The following RIC3 variants were observed in gnomAD, a reference collection of about 807,000 sequenced individuals.
RIC3 encodes protein RIC-3.
RIC3 carries 28 observed loss-of-function variants against 27.3 expected under a neutral mutation model. The observed-to-expected ratio is 1.02, with a 90% CI of 0.76 to 1.41. RIC3 has a LOEUF of 1.41. RIC3 is among the 40% of genes most tolerant of loss of function. RIC3 has a pLI of 0.00. For synonymous variants in RIC3, 184 were observed against 160.4 expected (o/e 1.15, Z -1.11); for missense variants, 501 against 444.7 (o/e 1.13, Z -1.14).
chr11:8,096,667 C>T, the RIC3 span: 1 of 1,529,156 alleles, frequency 6.5e-7, no homozygotes, highest in African/African-American at 1.4e-5. Context: ...ATCCCTTCTT[C>T]TTCTCTCCTT....
downstream of RIC3, chr11:8,105,567 G>GTGAT (rs1240445804): frequency 6.6e-6 from 1 of 152,194 alleles, no homozygotes; most frequent in African/African-American, 2.4e-5. Flanking sequence ...TAGTAGCTAT[G>GTGAT]TGATTTTGAG....
At chr11:8,101,562 A>T, downstream of RIC3, 1 of 1,614,240 alleles carries the variant, frequency 6.2e-7, no homozygotes, top group Non-Finnish European at 8.5e-7. Context: ...CGCTGTGTGC[A>T]CTGCAGGCCT....
the RIC3 span, chr11:8,098,678 C>T: frequency 3.7e-6 from 4 of 1,072,540 alleles, no homozygotes; most frequent in Non-Finnish European, 5.6e-6. Context: ...TTGCAGGCTC[C>T]TCATAGGACA....
chr11:8,104,384 T>G (rs1380243212), downstream of RIC3: 2 of 152,360 alleles, frequency 1.3e-5, no homozygotes, highest in Admixed American at 1.3e-4. Context: ...CAAGTCTAGC[T>G]TTCCTTTCCT....
At chr11:8,147,790 C>G (rs566959065) in intron 1 of RIC3, among the ~76,000 whole-genome samples, 3 of 147,388 alleles carry the variant, frequency 2.0e-5, no homozygotes, top group Non-Finnish European at 3.0e-5. Context: ...TGCAGTGGCG[C>G]GATCTCGGCT....
Position 8,116,061 on chromosome 11 carries a change from G to A in RIC3, c.671-4924C>T, listed in dbSNP as rs114961433. Reference sequence around the variant, plus strand: ...CATAAAAACAGACACACAGACTGATGGAACAGAATAAAAGCCCAGAAATAA... The same window carrying A: ...CATAAAAACAGACACACAGACTGATAGAACAGAATAAAAGCCCAGAAATAA... On this transcript the variant is annotated intron_variant, in intron 5 of 5. Transcript: ENST00000309737. Among the ~76,000 whole-genome samples the A allele has an allele frequency of 3.2e-3, 488 of 152,174 alleles. 3 individuals carry two copies. The highest frequency in any genetic ancestry group is 0.011 in the African/African-American group (454 of 41,524).
chr11:8,117,809 TATTA>T (rs1946017917), intron 5 of RIC3, among the ~76,000 whole-genome samples: 1 of 152,094 alleles, frequency 6.6e-6, no homozygotes. Flanking sequence ...TAATTTTATG[TATTA>T]ATTAAAATAA....
intron 1 of RIC3, among the ~76,000 whole-genome samples, chr11:8,162,014 C>T (rs1399066235): frequency 3.6e-5 from 5 of 137,002 alleles, no homozygotes; most frequent in African/African-American, 5.6e-5. Flanking sequence ...AGGTAATGTC[C>T]GAAACTGTTG....
At chr11:8,103,590 C>T (rs1339066097), downstream of RIC3, 4 of 152,650 alleles carry the variant, frequency 2.6e-5, no homozygotes, top group East Asian at 3.9e-4. Flanking sequence ...CCCCCTCCAA[C>T]GATTAGCTTT....
Position 8,107,831 on chromosome 11 carries a change from A to G in RIC3, c.*2867T>C, listed in dbSNP as rs1264097381. 1 of 152,120 alleles carries G rather than the reference A, an allele frequency of 6.6e-6. No individual in the cohort carries two copies. Among genetic ancestry groups the G allele is most frequent in the Non-Finnish European group, 1.5e-5 (1 of 68,022 alleles). The allele number at this position is 152,120 out of a possible 1,614,324, so 9.4% of individuals were successfully genotyped here. ...CTGTCCATAAAGGTATGACTTGTGTACTCTGCCACAGTGCCAAAAGGCCAG... is the reference window on the plus strand; with the variant it reads ...CTGTCCATAAAGGTATGACTTGTGTGCTCTGCCACAGTGCCAAAAGGCCAG... On this transcript the variant is annotated 3_prime_UTR_variant, in exon 6 of 6. Transcript: ENST00000309737.
chr11:8,100,741 A>G, the RIC3 span: 5 of 1,575,442 alleles, frequency 3.2e-6, no homozygotes, highest in Non-Finnish European at 3.5e-6. Flanking sequence ...AAATCCAAGG[A>G]CCCCCATTCC....
intron 1 of RIC3, among the ~76,000 whole-genome samples, chr11:8,160,238 G>A (rs1233702955): frequency 6.6e-6 from 1 of 152,196 alleles, no homozygotes; most frequent in East Asian, 1.9e-4. Context: ...AAATAATCCA[G>A]TGAATGGGGG....
the RIC3 span, chr11:8,097,857 A>T: frequency 1.7e-5 from 25 of 1,497,374 alleles, no homozygotes; most frequent in Non-Finnish European, 2.2e-5. Context: ...AGCAGGCGGG[A>T]GTGGGAGGGA....
At chr11:8,145,617 T>C (rs1022118533) in intron 1 of RIC3, among the ~76,000 whole-genome samples, 4 of 151,962 alleles carry the variant, frequency 2.6e-5, no homozygotes, top group Non-Finnish European at 2.9e-5. Context: ...AAGGGGATCT[T>C]GTGAGTGGAA....
At chr11:8,167,964 T>C (rs540366610) in intron 1 of RIC3, among the ~76,000 whole-genome samples, 7 of 152,170 alleles carry the variant, frequency 4.6e-5, no homozygotes, top group Non-Finnish European at 1.0e-4. Flanking sequence ...CTACAGTCAA[T>C]GTGCATAAAG....
At chr11:8,147,916 T>C (rs967617237) in intron 1 of RIC3, among the ~76,000 whole-genome samples, 2 of 152,010 alleles carry the variant, frequency 1.3e-5, no homozygotes, top group Admixed American at 6.6e-5. Context: ...TTAGTAGAAA[T>C]GGGGTTTCAC....
chr11:8,118,844 C>T (rs2133453587), intron 5 of RIC3, among the ~76,000 whole-genome samples: 1 of 149,940 alleles, frequency 6.7e-6, no homozygotes, highest in East Asian at 2.0e-4. Context: ...GCACTCTAGC[C>T]TGGGAGACGG....
At chr11:8,130,564 G>A (rs1181326764) in intron 4 of RIC3, among the ~76,000 whole-genome samples, 2 of 152,092 alleles carry the variant, frequency 1.3e-5, no homozygotes, top group African/African-American at 4.8e-5. Context: ...TAAAGCCTGT[G>A]ATTTTTTTTC....
At chr11:8,098,486 C>A in the RIC3 span, among the ~76,000 whole-genome samples, 2 of 152,138 alleles carry the variant, frequency 1.3e-5, no homozygotes, top group African/African-American at 2.4e-5. Context: ...TCCCATGTTC[C>A]CCCAGATAAA....
Sources: allele counts gnomAD v4.1 joint callset (sites outside exome capture counted in the v4.1 genomes callset), GRCh38; gene constraint gnomAD v4.1.1; transcripts MANE v1.5; gene names NCBI Gene and HGNC (gene_info 2026-07-23, HGNC 2026-07-21).